The following EFCAB3 variants were observed in gnomAD, a reference collection of about 807,000 sequenced individuals.
The protein encoded by EFCAB3 is EF-hand calcium binding domain 3.
In EFCAB3, 36 loss-of-function variants were observed where a neutral mutation model predicts 42.2. That is an observed-to-expected ratio of 0.85 (90% confidence interval 0.65 to 1.13). The LOEUF (loss-of-function observed/expected upper bound fraction) is 1.13. Among genes scored for constraint, EFCAB3 ranks in the 50% most tolerant of loss-of-function variants. The pLI is 0.00. For missense variants in EFCAB3, 418 were observed against 505.1 expected, an observed-to-expected ratio of 0.83 and a Z score of 1.65; for synonymous variants, 170 against 172.8, an observed-to-expected ratio of 0.98 and a Z score of 0.13.
rs201592376 is a variant in EFCAB3 at position 62,413,838 on chromosome 17, C to G, written c.974C>G (p.Thr325Ser). The change falls in exon 9 of 10, where the codon ACT (threonine) becomes AGT (serine). Residue 325 changes from threonine to serine, a missense_variant. Thr to Ser is a moderately conservative substitution (Grantham distance 58). Transcript: ENST00000305286. ...KKQTCTVADA[T>S]AIKQHVKRAT... Reference sequence around the variant, plus strand: ...CAGACTTGTACAGTGGCCGATGCAACTGCTATTAAACAACATGTGAGTATT... The same window carrying G: ...CAGACTTGTACAGTGGCCGATGCAAGTGCTATTAAACAACATGTGAGTATT... 9.9e-6 allele frequency: 16 copies of G among 1,610,940 alleles called. No homozygotes were observed. The highest frequency in any genetic ancestry group is 8.5e-7 in the Non-Finnish European group (1 of 1,178,960).
rs1422703347 is a variant in EFCAB3, at chr17:62,393,616, A to C, written c.339A>C (p.Thr113=). ...TCTCAGACTTTATCAAGGTTCTAAC[A>C]GATAAGAATCTCTTCCTCAAGGCAG... ...VNFSDFIKVL[T]DKNLFLKAVV... The change falls in exon 5 of 10, where the codon ACA becomes ACC. Residue 113 remains threonine (T), a synonymous_variant. Transcript: ENST00000305286. 9.3e-6 allele frequency: 15 copies of C among 1,613,360 alleles called. No homozygotes were observed. The highest frequency in any genetic ancestry group is 4.4e-5 in the South Asian group (4 of 91,072).
At chr17:62,412,150 C>T (rs868609982) in intron 8 of EFCAB3, among the ~76,000 whole-genome samples, 22 of 151,184 alleles carry the variant, frequency 1.5e-4, no homozygotes, top group African/African-American at 4.4e-4. Context: ...CCAAGGCAGG[C>T]GGATCACCTG....
intron 5 of EFCAB3, among the ~76,000 whole-genome samples, chr17:62,393,901 AAG>A (rs1177069842): frequency 6.6e-6 from 1 of 152,166 alleles, no homozygotes; most frequent in East Asian, 1.9e-4. Flanking sequence ...AGAACACTGA[AAG>A]AGTGACTGGT....
intron 9 of EFCAB3, among the ~76,000 whole-genome samples, chr17:62,414,619 A>G (rs2070529011): frequency 1.3e-5 from 2 of 151,476 alleles, no homozygotes; most frequent in South Asian, 4.2e-4. Context: ...GTGTTTAAAT[A>G]AGGTCAACTT....
At chr17:62,386,141 A>G (rs2070248722) in intron 2 of EFCAB3, among the ~76,000 whole-genome samples, 2 of 152,106 alleles carry the variant, frequency 1.3e-5, no homozygotes, top group African/African-American at 4.8e-5. Flanking sequence ...TAAATTTATA[A>G]AATTGGTTAT....
At chr17:62,371,106 A>G (rs1265377651) in intron 1 of EFCAB3, among the ~76,000 whole-genome samples, 1 of 151,714 alleles carries the variant, frequency 6.6e-6, no homozygotes, top group Non-Finnish European at 1.5e-5. Context: ...AAAAAAGAAA[A>G]AAAAAAAAGA....
rs1423860834 is a variant in EFCAB3 at position 62,370,470 on chromosome 17, C to T, written c.34+148C>T. 1.1e-5 allele frequency: 8 copies of T among 727,546 alleles called. No individual in the cohort carries two copies. The East Asian group carries it at 2.3e-4, about 21-fold the overall frequency. 45.1% of individuals were successfully genotyped at this position (727,546 alleles called of 1,614,324 possible). A position where few individuals can be genotyped will look rare whatever the true frequency, so the allele number is the denominator to read the frequency against. On this transcript the variant is annotated intron_variant, in intron 1 of 11. Coordinates refer to the EFCAB3 transcript ENST00000450662. Reference sequence around the variant, plus strand: ...AGGAGTTCGAGACTAGCCTGATCAGCACAGTGGAACCTCGTCTTTACTAAA... The same window carrying T: ...AGGAGTTCGAGACTAGCCTGATCAGTACAGTGGAACCTCGTCTTTACTAAA...
chr17:62,376,341 A>G (rs1370427551), upstream of EFCAB3, among the ~76,000 whole-genome samples: 1 of 152,048 alleles, frequency 6.6e-6, no homozygotes, highest in Non-Finnish European at 1.5e-5. Context: ...GCTTGGTGGC[A>G]CACTCCCAGC....
At chr17:62,380,265 G>T (rs141534942), upstream of EFCAB3, among the ~76,000 whole-genome samples, 3,036 of 152,262 alleles carry the variant, frequency 0.02, 210 homozygotes, top group East Asian at 0.26. Context: ...GCCCCCCAAA[G>T]TGCTGGGATC....
At chr17:62,373,695 GT>G in intron 1 of EFCAB3, 2 of 628,024 alleles carry the variant, frequency 3.2e-6, no homozygotes. Context: ...GCAAACCAAT[GT>G]TTCTAGTTCT....
chr17:62,385,716 CTTTTTTTTTTT>C (rs35067521), intron 2 of EFCAB3, among the ~76,000 whole-genome samples: 2 of 77,558 alleles, frequency 2.6e-5, no homozygotes, highest in African/African-American at 4.5e-5. Flanking sequence ...TCTAGTTTTA[CTTTTTTTTTTT>C]TTTTTTTTTT....
intron 8 of EFCAB3, 82 bp from the exon 9 acceptor site, chr17:62,413,650 A>G (rs1466218737): frequency 9.0e-7 from 1 of 1,113,920 alleles, no homozygotes; most frequent in Non-Finnish European, 1.2e-6. Flanking sequence ...CTATAATAAA[A>G]TATACTTATT....
intron 6 of EFCAB3, among the ~76,000 whole-genome samples, chr17:62,404,213 A>G (rs2070429521): frequency 2.0e-5 from 3 of 152,116 alleles, no homozygotes; most frequent in Admixed American, 2.0e-4. Context: ...ATCAGGTGAG[A>G]TTTAGATTAT....
At chr17:62,403,693 GC>G (rs1003002582) in intron 6 of EFCAB3, among the ~76,000 whole-genome samples, 1 of 152,172 alleles carries the variant, frequency 6.6e-6, no homozygotes, top group African/African-American at 2.4e-5. Flanking sequence ...AGGCTAGAGT[GC>G]TGGAGTGCAG....
At chr17:62,389,368 G>A (rs1198285525) in intron 3 of EFCAB3, among the ~76,000 whole-genome samples, 1 of 152,166 alleles carries the variant, frequency 6.6e-6, no homozygotes, top group Non-Finnish European at 1.5e-5. Flanking sequence ...CAATCTAGTA[G>A]TCACTATTCT....
At chr17:62,396,840 C>G (rs1332237524) in intron 6 of EFCAB3, among the ~76,000 whole-genome samples, 2 of 151,164 alleles carry the variant, frequency 1.3e-5, no homozygotes, top group African/African-American at 4.9e-5. Flanking sequence ...GATTGTGCCA[C>G]TACACTCCAA....
intron 1 of EFCAB3, among the ~76,000 whole-genome samples, chr17:62,372,938 T>G (rs1304728190): frequency 6.6e-6 from 1 of 152,162 alleles, no homozygotes; most frequent in Non-Finnish European, 1.5e-5. Flanking sequence ...TTTGTCCCTT[T>G]GATTAATACA....
At chr17:62,414,951 A>G (rs1391400205) in intron 9 of EFCAB3, among the ~76,000 whole-genome samples, 2 of 151,950 alleles carry the variant, frequency 1.3e-5, no homozygotes, top group Non-Finnish European at 2.9e-5. Context: ...TAAAAATACA[A>G]AAATTAGCTG....
chr17:62,381,533 C>G (rs1287309241), intron 1 of EFCAB3: 2 of 154,038 alleles, frequency 1.3e-5, no homozygotes, highest in African/African-American at 4.8e-5. Flanking sequence ...CTTCCGGGGT[C>G]TAGGGTAGCA....
Sources: gnomAD v4.1 joint callset for allele counts (sites outside exome capture counted in the v4.1 genomes callset) on GRCh38, gnomAD v4.1.1 for gene constraint, MANE v1.5 for transcripts, NCBI Gene and HGNC (gene_info 2026-07-23, HGNC 2026-07-21) for gene names.